C12orf76: variants seen among roughly 807,000 people sequenced by gnomAD.
C12orf76 encodes the protein chromosome 12 open reading frame 76, also known as uncharacterized protein C12orf76.
C12orf76 carries 6 observed loss-of-function variants against 6.8 expected under a neutral mutation model. The observed-to-expected ratio is 0.88, with a 90% CI of 0.48 to 1.73. C12orf76 has a LOEUF of 1.73. Ranked by LOEUF, C12orf76 falls within the 40% of genes most tolerant of loss-of-function variation. C12orf76 has a pLI of 0.01. For missense variants in C12orf76, 99 were observed against 98.2 expected (o/e 1.01, Z -0.03); for synonymous variants, 56 against 43.7 (o/e 1.28, Z -1.11).
upstream of C12orf76, among the ~76,000 whole-genome samples, chr12:110,052,185 C>T (rs184925287): frequency 2.0e-5 from 3 of 151,050 alleles, no homozygotes; most frequent in East Asian, 2.0e-4. Context: ...CATGAGCCAC[C>T]GTGCCCGGCC....
At chr12:110,043,671 G>C (rs1892374726) in intron 1 of C12orf76, among the ~76,000 whole-genome samples, 1 of 152,008 alleles carries the variant, frequency 6.6e-6, no homozygotes, top group Non-Finnish European at 1.5e-5. Context: ...GGCCAATATA[G>C]TGAAACCATG....
chr12:110,068,264 AGAAGAAGAAGAAG>A (rs1465067960), upstream of C12orf76, among the ~76,000 whole-genome samples: 3 of 113,260 alleles, frequency 2.6e-5, no homozygotes, highest in Non-Finnish European at 5.9e-5. Flanking sequence ...AAGAAGAAGA[AGAAGAAGAAGAAG>A]AAGAAGAAGA....
chr12:110,053,202 A>G (rs113578559), upstream of C12orf76, among the ~76,000 whole-genome samples: 5 of 146,154 alleles, frequency 3.4e-5, no homozygotes, highest in African/African-American at 1.0e-4. Context: ...AAAAAAAAAA[A>G]AAGTTCCCAG....
intron 3 of C12orf76, among the ~76,000 whole-genome samples, chr12:110,058,452 C>A (rs890595662): frequency 6.6e-6 from 1 of 152,088 alleles, no homozygotes. Flanking sequence ...TCACTTGAGG[C>A]CAGGAGTTCA....
exon 3 of C12orf76, chr12:110,059,153 A>G (rs1459732466): frequency 6.5e-7 from 1 of 1,546,972 alleles, no homozygotes; most frequent in Non-Finnish European, 8.7e-7. Context: ...TTCCTTTTCA[A>G]ATGTTCCTTG....
chr12:110,073,536 G>C (rs550005636), exon 1 of C12orf76: 15 of 517,246 alleles, frequency 2.9e-5, no homozygotes, highest in Non-Finnish European at 5.4e-5. Flanking sequence ...GCTGCAGCAG[G>C]CTGGCACGGT....
exon 3 of C12orf76, chr12:110,059,080 GC>G: frequency 6.4e-7 from 1 of 1,551,682 alleles, no homozygotes. Context: ...TCTGAACGCA[GC>G]CATCTGGCTC....
rs139736358 is a variant in C12orf76, at chr12:110,059,051, G to A, written n.493C>T. On this transcript the variant is annotated non_coding_transcript_exon_variant, in exon 3 of 5. Transcript: ENST00000309050. ...GCGAGAAGCTTGTCCAAGGTCACATGGTAAACAGCAGCGCCAGCTCTGAAC... is the reference window on the plus strand; with the variant it reads ...GCGAGAAGCTTGTCCAAGGTCACATAGTAAACAGCAGCGCCAGCTCTGAAC... The A allele has an allele frequency of 1.5e-4, 229 of 1,551,690 alleles. No homozygotes were observed. The East Asian group carries it at 5.3e-3, about 36-fold the overall frequency.
upstream of C12orf76, among the ~76,000 whole-genome samples, chr12:110,070,094 C>CA (rs1277612372): frequency 5.3e-5 from 8 of 149,792 alleles, no homozygotes; most frequent in South Asian, 1.3e-3. Context: ...ACCAAAAATA[C>CA]AAAAAAATTA....
intron 2 of C12orf76, among the ~76,000 whole-genome samples, chr12:110,060,977 G>A (rs1341802212): frequency 1.3e-5 from 2 of 151,576 alleles, no homozygotes; most frequent in African/African-American, 2.4e-5. Flanking sequence ...GGAGGATGCA[G>A]TGAGCTAAGA....
At chr12:110,065,314 G>A (rs986380524) in intron 2 of C12orf76, among the ~76,000 whole-genome samples, 5 of 151,888 alleles carry the variant, frequency 3.3e-5, no homozygotes, top group Non-Finnish European at 4.4e-5. Context: ...GGGATTACAG[G>A]CACCTGCCAC....
At chr12:110,068,865 A>T (rs1398595378), upstream of C12orf76, among the ~76,000 whole-genome samples, 6 of 152,150 alleles carry the variant, frequency 3.9e-5, no homozygotes, top group Admixed American at 3.9e-4. Flanking sequence ...CTTGGTGCAA[A>T]CTACTTCCGC....
chr12:110,046,539 AG>A (rs1892452631), intron 1 of C12orf76, among the ~76,000 whole-genome samples: 1 of 152,274 alleles, frequency 6.6e-6, no homozygotes, highest in Non-Finnish European at 1.5e-5. Flanking sequence ...ACCACTACAT[AG>A]CCCTACTGTG....
intron 2 of C12orf76, among the ~76,000 whole-genome samples, chr12:110,061,713 T>C (rs1220263071): frequency 6.6e-6 from 1 of 151,636 alleles, no homozygotes; most frequent in Non-Finnish European, 1.5e-5. Flanking sequence ...ATTTTTGTAG[T>C]TTTTAGTAGA....
At chr12:110,043,373 G>GAA (rs61073586) in intron 1 of C12orf76, among the ~76,000 whole-genome samples, 2 of 145,156 alleles carry the variant, frequency 1.4e-5, no homozygotes, top group Non-Finnish European at 3.0e-5. Flanking sequence ...GATTTAGTCG[G>GAA]AAAAAAAAAA....
At chr12:110,045,940 C>A in intron 1 of C12orf76, 1 of 218,112 alleles carries the variant, frequency 4.6e-6, no homozygotes, top group South Asian at 5.3e-5. Context: ...GATTGGGCAA[C>A]AGAGTGAGAC....
At chr12:110,066,283 C>G (rs530938957) in intron 1 of C12orf76, among the ~76,000 whole-genome samples, 1 of 134,830 alleles carries the variant, frequency 7.4e-6, no homozygotes, top group South Asian at 2.4e-4. Flanking sequence ...GAGGCAGAAT[C>G]ACGTGAATCC....
chr12:110,052,108 T>G (rs9739637), upstream of C12orf76, among the ~76,000 whole-genome samples: 28,345 of 149,302 alleles, frequency 0.19, 4,891 homozygotes, highest in African/African-American at 0.47. Flanking sequence ...GTATTGGCTA[T>G]GATGGTCTCG....
In C12orf76 at chr12:110,041,284, G is replaced by A. The variant is rs1892305368; in HGVS notation, c.*1090C>T. 6.6e-6 allele frequency: 1 copy of A among 152,636 alleles called. No homozygotes were observed. The highest frequency in any genetic ancestry group is 2.4e-5 in the African/African-American group (1 of 41,454). 9.5% of individuals were successfully genotyped at this position (152,636 alleles called of 1,614,324 possible). ...CAAACAAAATCCTTACACAGTTACA[G>A]TATCCTACTTCGGTTACTTCACATT... On this transcript the variant is annotated 3_prime_UTR_variant, in exon 2 of 2. Transcript: ENST00000615315.
Sources: gnomAD v4.1 joint callset for allele counts (sites outside exome capture counted in the v4.1 genomes callset) on GRCh38, gnomAD v4.1.1 for gene constraint, MANE v1.5 for transcripts, NCBI Gene and HGNC (gene_info 2026-07-23, HGNC 2026-07-21) for gene names.